The following COG5 variants were observed in gnomAD, a reference collection of about 807,000 sequenced individuals.
COG5 encodes the protein conserved oligomeric Golgi complex subunit 5.
Under a neutral mutation model 110.4 loss-of-function variants are expected in COG5, and 86 were observed. The ratio of observed to expected loss-of-function variants is 0.78; its 90% CI spans 0.65 to 0.93. The LOEUF (loss-of-function observed/expected upper bound fraction) is 0.93. Among genes scored for constraint, COG5 ranks in the 40% least tolerant of loss-of-function variants. The pLI, the probability that COG5 is intolerant of heterozygous loss-of-function variation, is 0.00. For missense variants in COG5, 1,077 were observed against 987.0 expected (o/e 1.09, Z -1.22); for synonymous variants, 360 against 334.6 (o/e 1.08, Z -0.83).
intron 10 of COG5, among the ~76,000 whole-genome samples, chr7:107,331,620 A>G (rs1356885965): frequency 1.3e-5 from 2 of 152,160 alleles, no homozygotes; most frequent in South Asian, 4.1e-4. Context: ...TAGTAGAGTA[A>G]GAGTGGGCAG....
intron 6 of COG5, among the ~76,000 whole-genome samples, chr7:107,457,859 C>T (rs1404668671): frequency 6.6e-6 from 1 of 152,102 alleles, no homozygotes; most frequent in Non-Finnish European, 1.5e-5. Flanking sequence ...ATAGCAGCAA[C>T]AACCACAACA....
At chr7:107,550,794 C>T (rs554078450) in intron 3 of COG5, among the ~76,000 whole-genome samples, 1 of 152,004 alleles carries the variant, frequency 6.6e-6, no homozygotes, top group Non-Finnish European at 1.5e-5. Context: ...CAACCTCTGC[C>T]TCCCAGGTTC....
chr7:107,322,755 C>T (rs1809419368), intron 11 of COG5, among the ~76,000 whole-genome samples: 1 of 152,010 alleles, frequency 6.6e-6, no homozygotes, highest in Non-Finnish European at 1.5e-5. Context: ...CACATATGTC[C>T]ACAAAAGAGA....
In COG5 at chr7:107,445,881, G is replaced by A. The variant is rs74993590; in HGVS notation, c.539-33249C>T. 4.1e-3 allele frequency among the ~76,000 whole-genome samples: 620 copies of A among 152,154 alleles called. 1 individual carries two copies. The highest frequency in any genetic ancestry group is 6.0e-3 in the Non-Finnish European group (408 of 67,988). Reference sequence around the variant, plus strand: ...AAACAAAAGAGACACTTATACCTACGGACTTAAGTCCTAAAATTGTCAAAA... The same window carrying A: ...AAACAAAAGAGACACTTATACCTACAGACTTAAGTCCTAAAATTGTCAAAA... On this transcript the variant is annotated intron_variant, in intron 6 of 21. Coordinates refer to ENST00000297135, the MANE Select transcript of COG5 (RefSeq NM_006348.5).
chr7:107,221,937 C>T (rs17153949), intron 19 of COG5, among the ~76,000 whole-genome samples: 2,263 of 152,040 alleles, frequency 0.015, 55 homozygotes, highest in African/African-American at 0.053. Flanking sequence ...TTTTATGGTT[C>T]GAATATTTAC....
chr7:107,343,493 C>A (rs1811341475), intron 10 of COG5, among the ~76,000 whole-genome samples: 1 of 152,080 alleles, frequency 6.6e-6, no homozygotes, highest in South Asian at 2.1e-4. Context: ...CCAGCCTGGG[C>A]AACATGGCAA....
chr7:107,314,340 T>TA (rs2117012043), intron 11 of COG5, among the ~76,000 whole-genome samples: 1 of 152,288 alleles, frequency 6.6e-6, no homozygotes, highest in African/African-American at 2.4e-5. Context: ...TACTTGATCT[T>TA]AGTTATACAG....
intron 17 of COG5, among the ~76,000 whole-genome samples, chr7:107,236,985 C>T (rs900467270): frequency 3.3e-5 from 5 of 152,314 alleles, no homozygotes; most frequent in Non-Finnish European, 7.4e-5. Flanking sequence ...CATACAAGTG[C>T]TACTCTCTGG....
At chr7:107,454,007 G>C (rs1401166539) in intron 6 of COG5, among the ~76,000 whole-genome samples, 1 of 151,950 alleles carries the variant, frequency 6.6e-6, no homozygotes, top group African/African-American at 2.4e-5. Flanking sequence ...ATTCATTAAT[G>C]ATACTATTTT....
At chr7:107,467,982 CT>C (rs1216441286) in intron 6 of COG5, among the ~76,000 whole-genome samples, 13 of 152,250 alleles carry the variant, frequency 8.5e-5, no homozygotes, top group African/African-American at 3.1e-4. Flanking sequence ...CTTGAAAACA[CT>C]GTCTCACAAA....
intron 10 of COG5, among the ~76,000 whole-genome samples, chr7:107,345,320 A>T (rs1562979249): frequency 6.6e-6 from 1 of 152,346 alleles, no homozygotes; most frequent in South Asian, 2.1e-4. Context: ...TGACATGGAG[A>T]CACAAATGAG....
intron 17 of COG5, among the ~76,000 whole-genome samples, chr7:107,248,159 G>A (rs1316937588): frequency 2.0e-5 from 3 of 152,032 alleles, no homozygotes; most frequent in Non-Finnish European, 2.9e-5. Context: ...CACATGTAAC[G>A]TGATACTGTT....
chr7:107,432,220 T>C (rs1004005915), intron 6 of COG5, among the ~76,000 whole-genome samples: 2 of 152,054 alleles, frequency 1.3e-5, no homozygotes, highest in African/African-American at 4.8e-5. Context: ...AAAAGAATAA[T>C]CAAAAAGAGT....
intron 12 of COG5, among the ~76,000 whole-genome samples, chr7:107,290,832 A>C (rs547680747): frequency 1.4e-5 from 2 of 147,834 alleles, no homozygotes; most frequent in East Asian, 4.0e-4. Flanking sequence ...GGGCGTGGGG[A>C]GTGGGTAAAG....
chr7:107,372,793 T>C (rs1395171958), intron 7 of COG5, 33 bp from the exon 8 acceptor site: 3 of 1,607,248 alleles, frequency 1.9e-6, no homozygotes, highest in Non-Finnish European at 8.5e-7. Flanking sequence ...TGGAAACAGA[T>C]ATAAATAGGA....
intron 14 of COG5, among the ~76,000 whole-genome samples, chr7:107,271,250 A>C (rs1298171658): frequency 6.6e-6 from 1 of 151,902 alleles, no homozygotes; most frequent in Non-Finnish European, 1.5e-5. Flanking sequence ...CATCCCTTGA[A>C]ACAAGTGTCT....
intron 6 of COG5, among the ~76,000 whole-genome samples, chr7:107,427,054 G>A (rs1313629506): frequency 6.6e-6 from 1 of 152,126 alleles, no homozygotes; most frequent in African/African-American, 2.4e-5. Context: ...AGGTTTGCAC[G>A]ACAGCAGTGA....
At chr7:107,509,078 T>C (rs967274064) in intron 6 of COG5, among the ~76,000 whole-genome samples, 8 of 152,046 alleles carry the variant, frequency 5.3e-5, no homozygotes, top group South Asian at 4.1e-4. Context: ...AGAAGAAGGC[T>C]TCAGAAGATC....
chr7:107,465,902 C>G (rs1340384175), intron 6 of COG5, among the ~76,000 whole-genome samples: 1 of 152,088 alleles, frequency 6.6e-6, no homozygotes, highest in Non-Finnish European at 1.5e-5. Context: ...CTATGTCCCC[C>G]AGCACAGCAT....
Sources: gnomAD v4.1 joint callset for allele counts (sites outside exome capture counted in the v4.1 genomes callset) on GRCh38, gnomAD v4.1.1 for gene constraint, MANE v1.5 for transcripts, NCBI Gene and HGNC (gene_info 2026-07-23, HGNC 2026-07-21) for gene names.